The following SHISA9 variants were observed in gnomAD, a reference collection of about 807,000 sequenced individuals.
The protein encoded by SHISA9 is shisa family member 9, also known as protein shisa-9.
SHISA9 carries 13 observed loss-of-function variants against 38.0 expected under a neutral mutation model. The observed-to-expected ratio is 0.34, with a 90% confidence interval of 0.22 to 0.54. The LOEUF (loss-of-function observed/expected upper bound fraction) is 0.54, where lower values mean the gene tolerates loss of function less well. Among genes scored for constraint, SHISA9 ranks in the 20% least tolerant of loss-of-function variants. SHISA9 has a pLI of 0.91. For synonymous variants in SHISA9, 275 were observed against 242.0 expected (o/e 1.14, Z -1.27); for missense variants, 538 against 575.8 (o/e 0.93, Z 0.67).
At chr16:13,136,705 C>T (rs1384477455) in intron 2 of SHISA9, among the ~76,000 whole-genome samples, 1 of 152,034 alleles carries the variant, frequency 6.6e-6, no homozygotes, top group Non-Finnish European at 1.5e-5. Context: ...CAGCCAATTT[C>T]CTTCCTTAAT....
intron 2 of SHISA9, among the ~76,000 whole-genome samples, chr16:13,187,160 T>C (rs1351627482): frequency 6.6e-6 from 1 of 152,120 alleles, no homozygotes; most frequent in Non-Finnish European, 1.5e-5. Flanking sequence ...GAAGGCTAAT[T>C]AATTTGCCTA....
At chr16:13,086,458 A>C (rs2073712164) in intron 2 of SHISA9, among the ~76,000 whole-genome samples, 1 of 152,154 alleles carries the variant, frequency 6.6e-6, no homozygotes, top group Admixed American at 6.5e-5. Flanking sequence ...AAGAGGTAGT[A>C]AATTGAAAGA....
At chr16:13,054,278 A>G (rs2073285497) in intron 2 of SHISA9, among the ~76,000 whole-genome samples, 1 of 152,184 alleles carries the variant, frequency 6.6e-6, no homozygotes, top group Admixed American at 6.5e-5. Context: ...TTCACCTTAC[A>G]GGGTGGATGC....
At chr16:13,118,610 A>G (rs1445648917) in intron 2 of SHISA9, among the ~76,000 whole-genome samples, 16 of 152,114 alleles carry the variant, frequency 1.1e-4, no homozygotes, top group Admixed American at 7.2e-4. Context: ...AGGCCCAGAG[A>G]TCCTGCATTT....
At chr16:13,145,156 C>G (rs538806177) in intron 2 of SHISA9, among the ~76,000 whole-genome samples, 1 of 152,176 alleles carries the variant, frequency 6.6e-6, no homozygotes, top group Non-Finnish European at 1.5e-5. Context: ...TCTCCCGAAA[C>G]GACAGGAGCA....
the SHISA9 span, among the ~76,000 whole-genome samples, chr16:13,358,361 T>A: frequency 1.3e-5 from 2 of 152,194 alleles, no homozygotes; most frequent in Non-Finnish European, 2.9e-5. Flanking sequence ...AAAGTCTCTC[T>A]TCTAATGCTG....
chr16:13,476,742 T>TTTG, the SHISA9 span, among the ~76,000 whole-genome samples: 1 of 105,086 alleles, frequency 9.5e-6, no homozygotes, highest in Non-Finnish European at 1.8e-5. Flanking sequence ...TTTTGTGTTT[T>TTTG]TTTTTTTTTT....
At chr16:13,087,706 T>A (rs1286788340) in intron 2 of SHISA9, among the ~76,000 whole-genome samples, 2 of 152,168 alleles carry the variant, frequency 1.3e-5, no homozygotes, top group Admixed American at 6.5e-5. Flanking sequence ...GTTTGAGTTC[T>A]TTGTAGATTC....
At chr16:13,141,483 G>A (rs1030297846) in intron 2 of SHISA9, among the ~76,000 whole-genome samples, 11 of 151,860 alleles carry the variant, frequency 7.2e-5, no homozygotes, top group Non-Finnish European at 1.5e-4. Flanking sequence ...TCAAGAGATC[G>A]AGACCATCCT....
At chr16:13,413,531 A>T in the SHISA9 span, among the ~76,000 whole-genome samples, 2 of 152,018 alleles carry the variant, frequency 1.3e-5, no homozygotes, top group Non-Finnish European at 2.9e-5. Flanking sequence ...CGAGGTGGGC[A>T]GATTACATGA....
At chr16:12,942,562 C>G (rs908532774) in intron 2 of SHISA9, among the ~76,000 whole-genome samples, 1 of 152,232 alleles carries the variant, frequency 6.6e-6, no homozygotes, top group African/African-American at 2.4e-5. Flanking sequence ...TCCTCCATAT[C>G]TCCCAGTAGT....
At chr16:13,286,617 C>T in the SHISA9 span, among the ~76,000 whole-genome samples, 1 of 152,168 alleles carries the variant, frequency 6.6e-6, no homozygotes, top group Non-Finnish European at 1.5e-5. Flanking sequence ...AGAAACACGT[C>T]ATCTGCAAAA....
In SHISA9 at chr16:13,035,013, G is replaced by A. The variant is rs542689945; in HGVS notation, c.691+118198G>A. 2.2e-4 allele frequency among the ~76,000 whole-genome samples: 33 copies of A among 152,282 alleles called. No individual in the cohort carries two copies. The South Asian group carries it at 4.8e-3, about 22-fold the overall frequency. On this transcript the variant is annotated intron_variant, in intron 2 of 4. Coordinates refer to ENST00000558583, the MANE Select transcript of SHISA9 (RefSeq NM_001145204.3). Reference sequence around the variant, plus strand: ...AATGCTTTTTTTAAAAGAAAAAAAAGCTATTGTGTTTTGGAGGGTGGTTTT... The same window carrying A: ...AATGCTTTTTTTAAAAGAAAAAAAAACTATTGTGTTTTGGAGGGTGGTTTT...
chr16:13,152,646 G>A (rs2050509487), intron 2 of SHISA9, among the ~76,000 whole-genome samples: 1 of 152,098 alleles, frequency 6.6e-6, no homozygotes, highest in Non-Finnish European at 1.5e-5. Context: ...GGACAATCTT[G>A]GGTCACATGT....
chr16:13,048,370 GA>G (rs1313987814), intron 2 of SHISA9, among the ~76,000 whole-genome samples: 3 of 152,196 alleles, frequency 2.0e-5, no homozygotes, highest in African/African-American at 4.8e-5. Context: ...GGCATCTCTT[GA>G]CTGTGCAATT....
At chr16:13,342,031 G>T in the SHISA9 span, among the ~76,000 whole-genome samples, 5 of 152,122 alleles carry the variant, frequency 3.3e-5, no homozygotes, top group African/African-American at 1.2e-4. Context: ...CTGCTAAATA[G>T]TTCCCAAATC....
the SHISA9 span, among the ~76,000 whole-genome samples, chr16:13,535,242 T>C: frequency 6.6e-6 from 1 of 152,122 alleles, no homozygotes; most frequent in African/African-American, 2.4e-5. Context: ...TGAGACTCCA[T>C]CTCAAAAAAT....
intron 2 of SHISA9, among the ~76,000 whole-genome samples, chr16:13,030,844 G>T (rs1392462029): frequency 6.6e-6 from 1 of 152,198 alleles, no homozygotes; most frequent in Non-Finnish European, 1.5e-5. Context: ...TGGGGAAAAT[G>T]AATCCCAAGG....
intron 2 of SHISA9, among the ~76,000 whole-genome samples, chr16:12,961,590 A>T (rs1399748838): frequency 6.6e-6 from 1 of 152,208 alleles, no homozygotes; most frequent in Non-Finnish European, 1.5e-5. Flanking sequence ...GCCAAAACTG[A>T]GGAAGAGAAC....
Sources: gnomAD v4.1 joint callset for allele counts (sites outside exome capture counted in the v4.1 genomes callset) on GRCh38, gnomAD v4.1.1 for gene constraint, MANE v1.5 for transcripts, NCBI Gene and HGNC (gene_info 2026-07-23, HGNC 2026-07-21) for gene names.